Variants in CYBRD1 observed in about 807,000 individuals in gnomAD.
CYBRD1 encodes the protein plasma membrane ascorbate-dependent reductase CYBRD1.
In CYBRD1, 14 loss-of-function variants were observed where a neutral mutation model predicts 21.9. That is an observed-to-expected ratio of 0.64 (90% CI 0.42 to 1.00). The LOEUF (loss-of-function observed/expected upper bound fraction) is 1.00. CYBRD1 is among the 50% of genes least tolerant of loss of function. CYBRD1 has a pLI of 0.00. For missense variants in CYBRD1, 328 were observed against 352.5 expected, an observed-to-expected ratio of 0.93 and a Z score of 0.56; for synonymous variants, 146 against 136.5, an observed-to-expected ratio of 1.07 and a Z score of -0.48.
In CYBRD1 at chr2:171,530,511, A is replaced by G. The variant is rs77610927; in HGVS notation, c.193+7773A>G. ...ATTAAAGGTCAAATCCTCATGCAGC[A>G]GAGTATAGGTGTACACTTGTGTGAG... On this transcript the variant is annotated intron_variant, in intron 1 of 3. Transcript: ENST00000321348. Among the ~76,000 whole-genome samples, 1,309 of 152,306 alleles carry G rather than the reference A, an allele frequency of 8.6e-3. 20 individuals carry two copies. Among genetic ancestry groups the G allele is most frequent in the African/African-American group, 0.03 (1,234 of 41,572 alleles).
Position 171,522,488 on chromosome 2 carries a change from G to C in CYBRD1, c.-58G>C. On this transcript the variant is annotated 5_prime_UTR_variant, in exon 1 of 4. Coordinates refer to ENST00000321348, the MANE Select transcript of CYBRD1 (RefSeq NM_024843.4). This position sits in a 1 kb window ranked among gnomAD's most constrained non-coding sequence, Gnocchi z 4.3. The stretch of plus-strand genomic sequence containing the variant: ...CCCGCCGCCCGGCCACTACCCAGAG[G>C]GCTGCCGCCGCCTCTCCAAGTTCTT... 6.4e-7 allele frequency: 1 copy of C among 1,550,608 alleles called. No homozygotes were observed. The highest frequency in any genetic ancestry group is 8.7e-7 in the Non-Finnish European group (1 of 1,148,846).
chr2:171,538,154 T>C (rs1697572361), intron 1 of CYBRD1, among the ~76,000 whole-genome samples: 1 of 152,092 alleles, frequency 6.6e-6, no homozygotes, highest in African/African-American at 2.4e-5. Context: ...TCCCAGCTAC[T>C]CAGGAGGCTG....
At chr2:171,541,867 T>TC in intron 2 of CYBRD1, 74 bp downstream of exon 2, 2 of 1,315,900 alleles carry the variant, frequency 1.5e-6, no homozygotes, top group Non-Finnish European at 2.1e-6. Flanking sequence ...TTTTCTTTTT[T>TC]TTTTTTTTTT....
At chr2:171,531,831 AAC>A (rs1303198325) in intron 1 of CYBRD1, among the ~76,000 whole-genome samples, 1 of 152,176 alleles carries the variant, frequency 6.6e-6, no homozygotes, top group Non-Finnish European at 1.5e-5. Flanking sequence ...TCTTTCTGAA[AAC>A]ACACAATTTC....
chr2:171,552,512 T>C (rs1045853210), intron 2 of CYBRD1, among the ~76,000 whole-genome samples: 1 of 152,168 alleles, frequency 6.6e-6, no homozygotes, highest in African/African-American at 2.4e-5. Context: ...CTCCTCTCTT[T>C]TCATAATTGT....
intron 3 of CYBRD1, 115 bp from the exon 4 acceptor site, chr2:171,554,409 T>G: frequency 1.0e-6 from 1 of 977,896 alleles, no homozygotes; most frequent in East Asian, 2.5e-5. Context: ...ATAGCAAGCT[T>G]TGAGAGTTTA....
intron 3 of CYBRD1, 84 bp downstream of exon 3, chr2:171,553,584 TA>T (rs1168581787): frequency 4.0e-6 from 5 of 1,249,712 alleles, no homozygotes; most frequent in Non-Finnish European, 5.3e-6. Context: ...AATAAAAATA[TA>T]ACAAAATTTT....
At chr2:171,554,474 A>G (rs750759074) in intron 3 of CYBRD1, 50 bp from the exon 4 acceptor site, 2 of 1,589,852 alleles carry the variant, frequency 1.3e-6, no homozygotes, top group Non-Finnish European at 1.7e-6. Flanking sequence ...ACTGTTTTGC[A>G]TGTTGCTGTA....
At chr2:171,543,805 A>T (rs1349217176) in intron 2 of CYBRD1, among the ~76,000 whole-genome samples, 2 of 152,012 alleles carry the variant, frequency 1.3e-5, no homozygotes, top group Non-Finnish European at 2.9e-5. Flanking sequence ...GCTATAGTTC[A>T]TTCATTTTTA....
intron 2 of CYBRD1, among the ~76,000 whole-genome samples, chr2:171,545,204 T>TA (rs1697692796): frequency 6.6e-6 from 1 of 151,634 alleles, no homozygotes. Flanking sequence ...TGCCAAAGGC[T>TA]AAAAAAGAAT....
chr2:171,530,909 G>A (rs1208195754), intron 1 of CYBRD1, among the ~76,000 whole-genome samples: 1 of 152,048 alleles, frequency 6.6e-6, no homozygotes, highest in East Asian at 1.9e-4. Context: ...AGGCACAGTG[G>A]CTCATGCCTG....
intron 1 of CYBRD1, among the ~76,000 whole-genome samples, chr2:171,523,792 G>A (rs553294969): frequency 3.5e-4 from 53 of 152,292 alleles, no homozygotes; most frequent in Non-Finnish European, 6.9e-4. Context: ...CTAGCTTTTG[G>A]CGCAAACACC....
intron 1 of CYBRD1, among the ~76,000 whole-genome samples, chr2:171,531,948 G>C (rs1268530624): frequency 1.3e-5 from 2 of 152,158 alleles, no homozygotes; most frequent in Non-Finnish European, 2.9e-5. Flanking sequence ...ACTCAGAGAT[G>C]TTTCTAGGGC....
Position 171,554,831 on chromosome 2 carries a change from G to T in CYBRD1, c.*4G>T, listed in dbSNP as rs772306050. 3.0e-5 allele frequency: 48 copies of T among 1,612,390 alleles called. 1 individual carries two copies. The East Asian group carries it at 1.1e-3, about 36-fold the overall frequency. On this transcript the variant is annotated 3_prime_UTR_variant, in exon 4 of 4. Transcript: ENST00000321348. ...TGGGCAGAGATCTACCATGTAAAAT[G>T]TTGTAGAGATAGAGCCATATAACGT...
chr2:171,532,609 G>A (rs1188832368), intron 1 of CYBRD1, among the ~76,000 whole-genome samples: 2 of 152,024 alleles, frequency 1.3e-5, no homozygotes, highest in Non-Finnish European at 1.5e-5. Flanking sequence ...AGACCAGCCT[G>A]AACATCACGG....
intron 3 of CYBRD1, among the ~76,000 whole-genome samples, chr2:171,554,254 A>C (rs1274148807): frequency 6.6e-6 from 1 of 152,146 alleles, no homozygotes; most frequent in African/African-American, 2.4e-5. Context: ...GTCCGTGTGA[A>C]TTGACCTGAG....
intron 1 of CYBRD1, among the ~76,000 whole-genome samples, chr2:171,533,225 G>GTC (rs1697496487): frequency 6.6e-6 from 1 of 152,042 alleles, no homozygotes; most frequent in Non-Finnish European, 1.5e-5. Flanking sequence ...AAATTAGCCG[G>GTC]GCATGGTAGT....
rs1339182748 is a variant in CYBRD1 at position 171,522,959 on chromosome 2, C to T, written c.193+221C>T. ...TGCGGTTCAGGAGGATCGCCGCGAG[C>T]GCGGGGCCGGGGGTGCGCGGTGGAG... On this transcript the variant is annotated intron_variant, in intron 1 of 3. Transcript: ENST00000321348. The surrounding 1 kb of genome is among the most constrained non-coding windows in gnomAD (Gnocchi z 4.3). 5 of 643,334 alleles carry T rather than the reference C, an allele frequency of 7.8e-6. No homozygotes were observed. In the African/African-American group the frequency reaches 9.7e-5, roughly 12 times the overall value. The allele number at this position is 643,334 out of a possible 1,614,324, so 39.9% of individuals were successfully genotyped here.
chr2:171,537,881 G>A (rs1250973467), intron 1 of CYBRD1, among the ~76,000 whole-genome samples: 5 of 152,176 alleles, frequency 3.3e-5, no homozygotes, highest in Non-Finnish European at 7.4e-5. Context: ...AAAAGAGTTT[G>A]AGGTGATAAA....
Sources: gnomAD v4.1 joint callset for allele counts (sites outside exome capture counted in the v4.1 genomes callset) on GRCh38, gnomAD v4.1.1 for gene constraint, Gnocchi (gnomAD v3.1) non-coding constraint, MANE v1.5 for transcripts, NCBI Gene and HGNC (gene_info 2026-07-23, HGNC 2026-07-21) for gene names.